The following MIB2 variants were observed in gnomAD, a reference collection of about 807,000 sequenced individuals.
MIB2 encodes the protein E3 ubiquitin-protein ligase MIB2.
In MIB2, 78 loss-of-function variants were observed where a neutral mutation model predicts 96.6. The observed-to-expected ratio is 0.81, with a 90% CI of 0.67 to 0.97. MIB2 has a LOEUF of 0.97. Among genes scored for constraint, MIB2 ranks in the 50% least tolerant of loss-of-function variants. MIB2 has a pLI of 0.00. For synonymous variants in MIB2, 820 were observed against 629.5 expected (o/e 1.30, Z -4.53); for missense variants, 1,543 against 1,424.0 (o/e 1.08, Z -1.35).
chr1:1,623,404 GC>G, intron 2 of MIB2, 26 bp from the exon 3 acceptor site: 1 of 1,600,110 alleles, frequency 6.2e-7, no homozygotes, highest in Non-Finnish European at 8.5e-7. Flanking sequence ...GAGCAGCCCG[GC>G]CCACCATGGA....
rs2100512589 is a variant in MIB2 at position 1,626,770 on chromosome 1, A to AC, written c.1077+21dup. 6.9e-7 allele frequency: 1 copy of AC among 1,453,346 alleles called. No individual in the cohort carries two copies. The highest frequency in any genetic ancestry group is 2.6e-5 in the East Asian group (1 of 39,136). 90.0% of individuals were successfully genotyped at this position (1,453,346 alleles called of 1,614,324 possible). On this transcript the variant is annotated intron_variant, in intron 9 of 19. Transcript: ENST00000355826. The surrounding 1 kb of genome is among the most constrained non-coding windows in gnomAD (Gnocchi z 5.3). ...CATGGCCCCTGTGAGTCCCCCTGCC[A>AC]CCCCCGCCGCTAGCGCCGCTGCCCC... is the stretch of plus-strand genomic sequence containing the variant.
upstream of MIB2, chr1:1,614,782 C>CT (rs1228757818): frequency 2.6e-5 from 4 of 152,286 alleles, no homozygotes; most frequent in African/African-American, 9.7e-5. Context: ...GTTGGGAGCC[C>CT]TAGGAGGGCA....
Position 1,626,759 on chromosome 1 carries a change from G to T in MIB2, c.1077+5G>T. ...TGGACGGACGACATGGCCCCTGTGAGTCCCCCTGCCACCCCCGCCGCTAGC... is the reference window on the plus strand; with the variant it reads ...TGGACGGACGACATGGCCCCTGTGATTCCCCCTGCCACCCCCGCCGCTAGC... On this transcript the variant is annotated splice_donor_5th_base_variant and intron_variant, in intron 9 of 19. Coordinates refer to ENST00000355826, the MANE Select transcript of MIB2 (RefSeq NM_001170687.4). The surrounding 1 kb of genome is among the most constrained non-coding windows in gnomAD (Gnocchi z 5.3). The T allele has an allele frequency of 6.4e-7, 1 of 1,573,158 alleles. No homozygotes were observed.
Position 1,629,527 on chromosome 1 carries a change from G to C in MIB2, c.2524G>C (p.Val842Leu). 1 of 1,542,180 alleles carries C rather than the reference G, an allele frequency of 6.5e-7. No homozygotes were observed. The highest frequency in any genetic ancestry group is 8.7e-7 in the Non-Finnish European group (1 of 1,148,086). ...GGTGTGCTCCGAGCTGGCGCTGCTGGTGCTGTTCTCGCCGTGCCAGCACCG... is the reference window on the plus strand; with the variant it reads ...GGTGTGCTCCGAGCTGGCGCTGCTGCTGCTGTTCTCGCCGTGCCAGCACCG... ...CLVCSELALL[V>L]LFSPCQHRTV... The change falls in exon 18 of 20, where the codon GTG becomes CTG. Residue 842 changes from valine to leucine, a missense_variant. Physicochemically the swap from Val to Leu is conservative, Grantham distance 32 (BLOSUM62 1). Coordinates refer to ENST00000355826, the MANE Select transcript of MIB2 (RefSeq NM_001170687.4).
At position 1,630,327 on chromosome 1, in the gene MIB2, G is replaced by A. The variant is rs1469023820; in HGVS notation, c.2665G>A (p.Gly889Ser). 1.2e-5 allele frequency: 16 copies of A among 1,306,932 alleles called. No homozygotes were observed. In the Admixed American group the frequency reaches 4.1e-4, roughly 33 times the overall value. 81.0% of individuals were successfully genotyped at this position (1,306,932 alleles called of 1,614,324 possible). A position where few individuals can be genotyped will look rare whatever the true frequency, so the allele number is the denominator to read the frequency against. Residue 889 changes from glycine (G) to serine (S), a missense_variant, in exon 20 of 20, where the codon GGC (glycine) becomes AGC (serine). By Grantham distance (56) the Gly-to-Ser change is moderately conservative (BLOSUM62 0). Transcript: ENST00000355826. Reference protein sequence around the residue: ...SEVASAAPAPGPPRQLVEELQ... With the variant: ...SEVASAAPAPSPPRQLVEELQ... Reference sequence around the variant, plus strand: ...GGTGGCGAGCGCCGCCCCCGCCCCCGGCCCGCCGCGCCAGCTGGTGGAGGA... The same window carrying A: ...GGTGGCGAGCGCCGCCCCCGCCCCCAGCCCGCCGCGCCAGCTGGTGGAGGA...
At chr1:1,619,778 G>A (rs1644088878) in intron 2 of MIB2, among the ~76,000 whole-genome samples, 1 of 152,340 alleles carries the variant, frequency 6.6e-6, no homozygotes, top group South Asian at 2.1e-4. Context: ...GGCACAAGAA[G>A]TGAGGCCAGG....
Position 1,625,520 on chromosome 1 carries a change from A to T in MIB2, c.865-26A>T. On this transcript the variant is annotated intron_variant, in intron 7 of 19. Coordinates refer to ENST00000355826, the MANE Select transcript of MIB2 (RefSeq NM_001170687.4). This position sits in a 1 kb window ranked among gnomAD's most constrained non-coding sequence, Gnocchi z 5.0. The stretch of plus-strand genomic sequence containing the variant: ...CCTCCCCAAGCGTCCAGCCCGACCC[A>T]GCCACAGCTCCATGACCCGCCACAG... The T allele has an allele frequency of 7.0e-7, 1 of 1,430,294 alleles. No homozygotes were observed. Among genetic ancestry groups the T allele is most frequent in the African/African-American group, 1.5e-5 (1 of 68,152 alleles). The allele number at this position is 1,430,294 out of a possible 1,614,324, so 88.6% of individuals were successfully genotyped here. A position where few individuals can be genotyped will look rare whatever the true frequency, so the allele number is the denominator to read the frequency against.
chr1:1,615,958 C>T (rs1229491554), intron 1 of MIB2: 3 of 986,462 alleles, frequency 3.0e-6, no homozygotes, highest in East Asian at 1.1e-4. Context: ...GGCGCTCTGG[C>T]CTGGCCTGGC....
rs1309290388 is a variant in MIB2 at position 1,626,824 on chromosome 1, C to T, written c.1078-13C>T. 1.9e-6 allele frequency: 3 copies of T among 1,600,210 alleles called. No homozygotes were observed. The highest frequency in any genetic ancestry group is 2.2e-5 in the East Asian group (1 of 44,792). ...CACCTGCAGCCTGCTGTGACCCCCTCCCCTCCCCGCAGGCCCTGGGCCGCG... is the reference window on the plus strand; with the variant it reads ...CACCTGCAGCCTGCTGTGACCCCCTTCCCTCCCCGCAGGCCCTGGGCCGCG... On this transcript the variant is annotated splice_polypyrimidine_tract_variant and intron_variant, in intron 9 of 19. Coordinates refer to ENST00000355826, the MANE Select transcript of MIB2 (RefSeq NM_001170687.4). This position sits in a 1 kb window ranked among gnomAD's most constrained non-coding sequence, Gnocchi z 5.3.
Position 1,630,426 on chromosome 1 carries a change from G to T in MIB2, c.2764G>T (p.Val922Leu), listed in dbSNP as rs745572827. ...PICIDSHIRL[V>L]FQCGHGACAP... ...CTGCATCGACAGCCACATCCGCCTC[G>T]TGTTCCAGTGCGGCCACGGCGCATG... is the stretch of plus-strand genomic sequence containing the variant. The change falls in exon 20 of 20, where the codon GTG (valine) becomes TTG (leucine). Residue 922 changes from valine (V) to leucine (L), a missense_variant. Val to Leu is a conservative substitution (Grantham distance 32, BLOSUM62 1). Transcript: ENST00000355826. 2 of 1,586,542 alleles carry T rather than the reference G, an allele frequency of 1.3e-6. No homozygotes were observed. Among genetic ancestry groups the T allele is most frequent in the Non-Finnish European group, 1.7e-6 (2 of 1,168,518 alleles).
chr1:1,630,551 C>G lies in MIB2; in HGVS notation c.*21C>G. The G allele has an allele frequency of 1.3e-6, 2 of 1,526,686 alleles. No homozygotes were observed. Among genetic ancestry groups the G allele is most frequent in the Non-Finnish European group, 1.8e-6 (2 of 1,140,558 alleles). The allele number at this position is 1,526,686 out of a possible 1,614,324, so 94.6% of individuals were successfully genotyped here. A position where few individuals can be genotyped will look rare whatever the true frequency, so the allele number is the denominator to read the frequency against. ...TGTGAGCCGCGCCGTCCGCCGCGCCCGAGCTGCCTTCGCGTGCCCCCGCCC... is the reference window on the plus strand; with the variant it reads ...TGTGAGCCGCGCCGTCCGCCGCGCCGGAGCTGCCTTCGCGTGCCCCCGCCC... On this transcript the variant is annotated 3_prime_UTR_variant, in exon 20 of 20. Transcript: ENST00000355826.
chr1:1,623,706 G>A lies in MIB2; in HGVS notation c.247+7G>A, dbSNP rs780389633. On this transcript the variant is annotated splice_region_variant and intron_variant, in intron 3 of 19. Transcript: ENST00000355826. The stretch of plus-strand genomic sequence containing the variant: ...TACGACAACGCCCAGATCGGTGCGC[G>A]CCAAGGGCAGGCGGGACGGGCAGGA... 7 of 1,527,836 alleles carry A rather than the reference G, an allele frequency of 4.6e-6. No individual in the cohort carries two copies. Among genetic ancestry groups the A allele is most frequent in the African/African-American group, 1.4e-5 (1 of 72,862 alleles). 94.6% of individuals were successfully genotyped at this position (1,527,836 alleles called of 1,614,324 possible).
chr1:1,618,425 C>A, intron 2 of MIB2: 1 of 152,932 alleles, frequency 6.5e-6, no homozygotes, highest in Non-Finnish European at 1.5e-5. Flanking sequence ...TCCTAGAGGG[C>A]TTGATTTCCA....
chr1:1,615,370 G>C (rs1485211778), upstream of MIB2: 2 of 1,420,642 alleles, frequency 1.4e-6, no homozygotes, highest in East Asian at 2.8e-5. Flanking sequence ...TCGGAACCTA[G>C]CTGCGCCACG....
At position 1,628,189 on chromosome 1, in the gene MIB2, G is replaced by C; in HGVS notation, c.1841+10G>C. On this transcript the variant is annotated intron_variant, in intron 14 of 19. Coordinates refer to ENST00000355826, the MANE Select transcript of MIB2 (RefSeq NM_001170687.4). ...TCAAGGGTCACGCGCTGTGAGTGTGGGGTGGGCACACAGCTGCAGCCGGCC... is the reference window on the plus strand; with the variant it reads ...TCAAGGGTCACGCGCTGTGAGTGTGCGGTGGGCACACAGCTGCAGCCGGCC... 6.2e-7 allele frequency: 1 copy of C among 1,612,848 alleles called. No individual in the cohort carries two copies. Among genetic ancestry groups the C allele is most frequent in the Non-Finnish European group, 8.5e-7 (1 of 1,179,698 alleles).
At chr1:1,616,469 G>C in intron 1 of MIB2, 39 bp from the exon 2 acceptor site, 1 of 1,428,472 alleles carries the variant, frequency 7.0e-7, no homozygotes, top group Non-Finnish European at 9.5e-7. Context: ...GCGGGTCGAG[G>C]TGCTAACTGT....
rs1638747153 is a variant in MIB2, at chr1:1,630,592, G to GA, written c.*65dup. The GA allele has an allele frequency of 3.0e-6, 4 of 1,339,144 alleles. No homozygotes were observed. Among genetic ancestry groups the GA allele is most frequent in the Non-Finnish European group, 4.0e-6 (4 of 1,009,580 alleles). 83.0% of individuals were successfully genotyped at this position (1,339,144 alleles called of 1,614,324 possible). A position where few individuals can be genotyped will look rare whatever the true frequency, so the allele number is the denominator to read the frequency against. Reference sequence around the variant, plus strand: ...GCCCCCGCCCTGTGTTTTATAAAAAGAAAGATTCTCGGACGTTGCCTCTGC... The same window carrying GA: ...GCCCCCGCCCTGTGTTTTATAAAAAGAAAAGATTCTCGGACGTTGCCTCTGC... On this transcript the variant is annotated 3_prime_UTR_variant, in exon 20 of 20. Coordinates refer to ENST00000355826, the MANE Select transcript of MIB2 (RefSeq NM_001170687.4).
At chr1:1,616,040 G>A in intron 1 of MIB2, 2 of 984,334 alleles carry the variant, frequency 2.0e-6, no homozygotes, top group Non-Finnish European at 1.2e-6. Context: ...CTGGCCGGCG[G>A]TCCCGCGCCC....
In MIB2 at chr1:1,627,694, G is replaced by C; in HGVS notation, c.1545G>C (p.Arg515Ser). The change falls in exon 13 of 20, where the codon AGG becomes AGC. Residue 515 changes from arginine (R) to serine (S), a missense_variant. Physicochemically the swap from Arg to Ser is moderately radical, Grantham distance 110. Transcript: ENST00000355826. ...AALGNQPEAT[R>S]VLLSAGCRAD... ...TCAGGAACCAGCCCGAGGCCACCAG[G>C]GTGCTCCTGAGTGCTGGGTGCCGGG... 6.3e-7 allele frequency: 1 copy of C among 1,594,688 alleles called. No individual in the cohort carries two copies. The highest frequency in any genetic ancestry group is 1.1e-5 in the South Asian group (1 of 90,330).
Sources: gnomAD v4.1 joint callset for allele counts (sites outside exome capture counted in the v4.1 genomes callset) on GRCh38, gnomAD v4.1.1 for gene constraint, Gnocchi (gnomAD v3.1) non-coding constraint, MANE v1.5 for transcripts, NCBI Gene and HGNC (gene_info 2026-07-23, HGNC 2026-07-21) for gene names.